The following AFF2 variants were observed in gnomAD, a reference collection of about 807,000 sequenced individuals.
AFF2 encodes ALF transcription elongation factor 2.
Under a neutral mutation model 76.9 loss-of-function variants are expected in AFF2, and 14 were observed. That is an observed-to-expected ratio of 0.18 (90% CI 0.12 to 0.28). The LOEUF is 0.28. AFF2 is among the 10% of genes least tolerant of loss of function. AFF2 has a pLI of 1.00. For synonymous variants in AFF2, 398 were observed against 366.7 expected (o/e 1.09, Z -0.98); for missense variants, 868 against 1,001.1 (o/e 0.87, Z 1.79).
chrX:148,839,325 C>T (rs1312698524), intron 5 of AFF2, among the ~76,000 whole-genome samples: 1 of 112,147 alleles, frequency 8.9e-6, no homozygotes, highest in East Asian at 2.8e-4. Context: ...CCTGCCAAAA[C>T]GTTGGTTTGA....
chrX:148,868,426 A>G (rs1183522965), intron 7 of AFF2, among the ~76,000 whole-genome samples: 2 of 112,057 alleles, frequency 1.8e-5, no homozygotes, highest in Admixed American at 1.9e-4. Context: ...AGCCATAGTG[A>G]GAGATCTTGA....
At chrX:148,542,154 G>A (rs984781641) in intron 1 of AFF2, among the ~76,000 whole-genome samples, 4 of 109,247 alleles carry the variant, frequency 3.7e-5, no homozygotes, top group Non-Finnish European at 5.7e-5. Context: ...AAACAATGGC[G>A]GTGTGCTCTG....
At chrX:148,956,710 G>A (rs782179697) in intron 11 of AFF2, 97 bp downstream of exon 11, 15 of 847,267 alleles carry the variant, frequency 1.8e-5, no homozygotes, top group Non-Finnish European at 2.5e-5. Flanking sequence ...GCCAATGGCA[G>A]TGCATTGCAG....
chrX:148,630,292 G>A (rs2053967324), intron 1 of AFF2, among the ~76,000 whole-genome samples: 1 of 112,177 alleles, frequency 8.9e-6, no homozygotes, highest in African/African-American at 3.2e-5. Flanking sequence ...TTAAAAATGT[G>A]CAGGGGCCCA....
At chrX:148,504,324 C>T (rs782066004) in intron 1 of AFF2, among the ~76,000 whole-genome samples, 138 of 110,470 alleles carry the variant, frequency 1.2e-3, no homozygotes, top group Non-Finnish European at 2.1e-3. Context: ...AAAGAAAATA[C>T]AGAAAGGGAC....
intron 1 of AFF2, among the ~76,000 whole-genome samples, chrX:148,509,104 A>G (rs1380191846): frequency 2.7e-5 from 3 of 111,721 alleles, no homozygotes; most frequent in African/African-American, 9.8e-5. Flanking sequence ...GGAGAGATGA[A>G]AGGACCGTAG....
intron 3 of AFF2, among the ~76,000 whole-genome samples, chrX:148,791,330 G>A (rs1459349447): frequency 8.9e-6 from 1 of 111,811 alleles, no homozygotes; most frequent in African/African-American, 3.3e-5. Flanking sequence ...GCAAGAGCAT[G>A]TACAGGGGAA....
At chrX:148,551,880 GT>G (rs1487537727) in intron 1 of AFF2, among the ~76,000 whole-genome samples, 3 of 112,595 alleles carry the variant, frequency 2.7e-5, no homozygotes, top group African/African-American at 6.4e-5. Context: ...CTGTGTATCA[GT>G]TTGACCTCTG....
At chrX:148,935,929 T>C (rs1160875729) in intron 9 of AFF2, among the ~76,000 whole-genome samples, 5 of 109,779 alleles carry the variant, frequency 4.6e-5, no homozygotes, top group African/African-American at 1.7e-4. Context: ...AGAAGATATT[T>C]ATCAAAGCAG....
At position 148,967,646 on chromosome X, in the gene AFF2, A is replaced by G. The variant is rs1557288982; in HGVS notation, c.3221A>G (p.Tyr1074Cys). ...TFDDSVHNAD[Y>C]YMQEAKKLKH... ...TTATTTAGGGTTCACAATGCTGATT[A>G]TTACATGCAAGAAGCTAAGAAGCTG... The change falls in exon 15 of 21, where the codon TAT becomes TGT. Residue 1074 changes from tyrosine to cysteine, a missense_variant. By Grantham distance (194) the Tyr-to-Cys change is radical. Coordinates refer to ENST00000370460, the MANE Select transcript of AFF2 (RefSeq NM_002025.4). 1 of 1,210,300 alleles carries G rather than the reference A, an allele frequency of 8.3e-7. No homozygotes were observed. The highest frequency in any genetic ancestry group is 1.1e-6 in the Non-Finnish European group (1 of 894,310).
intron 9 of AFF2, among the ~76,000 whole-genome samples, chrX:148,929,184 T>C (rs781872449): frequency 8.9e-6 from 1 of 112,688 alleles, no homozygotes; most frequent in East Asian, 2.8e-4. Context: ...TAGATTACAA[T>C]TGCAAGTCTT....
At chrX:148,767,665 A>C (rs2069535932) in intron 3 of AFF2, among the ~76,000 whole-genome samples, 1 of 112,022 alleles carries the variant, frequency 8.9e-6, no homozygotes, top group Admixed American at 9.5e-5. Context: ...AGGGTTGACA[A>C]ACAAATTACA....
rs2054465476 is a variant in AFF2 at position 148,674,883 on chromosome X, T to C, written c.1041+12115T>C. 3.6e-5 allele frequency among the ~76,000 whole-genome samples: 4 copies of C among 112,312 alleles called. No homozygotes were observed. The South Asian group carries it at 1.5e-3, about 42-fold the overall frequency. On this transcript the variant is annotated intron_variant, in intron 3 of 20. Coordinates refer to ENST00000370460, the MANE Select transcript of AFF2 (RefSeq NM_002025.4). ...TGTATTTGACTTGGGTGTGGGGAGG[T>C]AGAGATTTCTAAGATTCTTAGAAAA...
At chrX:148,540,466 TA>T (rs1478745853) in intron 1 of AFF2, among the ~76,000 whole-genome samples, 1 of 107,838 alleles carries the variant, frequency 9.3e-6, no homozygotes, top group Non-Finnish European at 1.9e-5. Context: ...TAAAATGCAT[TA>T]AAAATAGGAA....
chrX:148,960,475 C>A (rs949102949), intron 12 of AFF2, among the ~76,000 whole-genome samples: 1 of 112,151 alleles, frequency 8.9e-6, no homozygotes, highest in African/African-American at 3.2e-5. Flanking sequence ...TCCCTTGTAG[C>A]CTTTATCGTT....
chrX:148,721,295 T>G (rs2055089934), intron 3 of AFF2, among the ~76,000 whole-genome samples: 1 of 111,735 alleles, frequency 8.9e-6, no homozygotes, highest in African/African-American at 3.3e-5. Flanking sequence ...AGCACATGAT[T>G]TGGAGTGGGC....
chrX:148,523,049 C>G (rs2052618764), intron 1 of AFF2, among the ~76,000 whole-genome samples: 1 of 111,862 alleles, frequency 8.9e-6, no homozygotes, highest in Non-Finnish European at 1.9e-5. Flanking sequence ...AACACTTGCT[C>G]TCTGTAGCAT....
intron 1 of AFF2, among the ~76,000 whole-genome samples, chrX:148,581,576 ATACGTGTACACACATATATACG>A (rs1569551683): frequency 3.8e-4 from 13 of 34,511 alleles, no homozygotes; most frequent in African/African-American, 1.6e-3. Context: ...ACGTATACGT[ATACGTGTACACACATATATACG>A]TATACGTGTA....
At chrX:148,872,095 G>A (rs1414728341) in intron 7 of AFF2, among the ~76,000 whole-genome samples, 1 of 110,374 alleles carries the variant, frequency 9.1e-6, no homozygotes, top group Admixed American at 9.6e-5. Flanking sequence ...TTGTCCAGCT[G>A]TGAGACTTTT....
Sources: gnomAD v4.1 joint callset for allele counts (sites outside exome capture counted in the v4.1 genomes callset) on GRCh38, gnomAD v4.1.1 for gene constraint, MANE v1.5 for transcripts, NCBI Gene and HGNC (gene_info 2026-07-23, HGNC 2026-07-21) for gene names.